The following IMMP2L variants were observed in gnomAD, a reference collection of about 807,000 sequenced individuals.
The protein encoded by IMMP2L is inner mitochondrial membrane peptidase subunit 2, also known as mitochondrial inner membrane protease subunit 2.
IMMP2L carries 18 observed loss-of-function variants against 19.3 expected under a neutral mutation model. The ratio of observed to expected loss-of-function variants is 0.93; its 90% CI spans 0.64 to 1.38. The LOEUF is 1.38. Among genes scored for constraint, IMMP2L ranks in the 40% most tolerant of loss-of-function variants. The pLI is 0.00. For missense variants in IMMP2L, 233 were observed against 218.2 expected, an observed-to-expected ratio of 1.07 and a Z score of -0.43; for synonymous variants, 76 against 73.0, an observed-to-expected ratio of 1.04 and a Z score of -0.21.
At chr7:111,147,547 A>G (rs1198490908) in intron 3 of IMMP2L, among the ~76,000 whole-genome samples, 1 of 152,092 alleles carries the variant, frequency 6.6e-6, no homozygotes, top group Non-Finnish European at 1.5e-5. Flanking sequence ...CCAGTAGGTC[A>G]CTTTAGTGCA....
chr7:111,220,878 C>A (rs559738188), intron 3 of IMMP2L, among the ~76,000 whole-genome samples: 1 of 151,906 alleles, frequency 6.6e-6, no homozygotes, highest in African/African-American at 2.4e-5. Flanking sequence ...TACAGTTCAA[C>A]GGTTAGGCAG....
chr7:110,740,327 C>T (rs375322655), intron 5 of IMMP2L, among the ~76,000 whole-genome samples: 4 of 152,064 alleles, frequency 2.6e-5, no homozygotes, highest in East Asian at 1.9e-4. Context: ...AGACCATTAG[C>T]GAGATTAACC....
At chr7:110,841,863 G>A (rs1182871108) in intron 5 of IMMP2L, among the ~76,000 whole-genome samples, 1 of 152,024 alleles carries the variant, frequency 6.6e-6, no homozygotes, top group Non-Finnish European at 1.5e-5. Flanking sequence ...ATTTCACCCT[G>A]TCCCAATGGC....
intron 3 of IMMP2L, among the ~76,000 whole-genome samples, chr7:111,243,276 T>A (rs577787312): frequency 3.9e-4 from 59 of 152,070 alleles, no homozygotes; most frequent in Non-Finnish European, 5.6e-4. Context: ...GAGTTCTCAA[T>A]AAATACTAAT....
intron 5 of IMMP2L, among the ~76,000 whole-genome samples, chr7:110,721,755 A>G (rs1345724749): frequency 6.6e-6 from 1 of 152,146 alleles, no homozygotes; most frequent in East Asian, 1.9e-4. Context: ...GTATTAACAG[A>G]ATGGTGATCA....
intron 2 of IMMP2L, among the ~76,000 whole-genome samples, chr7:111,506,099 C>T (rs1247750399): frequency 1.3e-5 from 2 of 151,726 alleles, no homozygotes; most frequent in African/African-American, 4.8e-5. Context: ...AGACTGCCTC[C>T]ACACACAAAA....
At chr7:111,362,366 T>C (rs574718904) in intron 3 of IMMP2L, among the ~76,000 whole-genome samples, 2 of 152,218 alleles carry the variant, frequency 1.3e-5, no homozygotes, top group South Asian at 2.1e-4. Flanking sequence ...AAGAAATATA[T>C]GGAAATGTAT....
At chr7:111,377,407 A>C (rs981635809) in intron 3 of IMMP2L, among the ~76,000 whole-genome samples, 1 of 151,920 alleles carries the variant, frequency 6.6e-6, no homozygotes, top group African/African-American at 2.4e-5. Context: ...GCATCCCTCT[A>C]TAGTACAGCT....
intron 5 of IMMP2L, among the ~76,000 whole-genome samples, chr7:110,864,001 T>G (rs1807722731): frequency 6.6e-6 from 1 of 151,874 alleles, no homozygotes; most frequent in African/African-American, 2.4e-5. Flanking sequence ...AGCAAAGGAG[T>G]GTATAATAGA....
intron 2 of IMMP2L, among the ~76,000 whole-genome samples, chr7:111,505,620 C>G (rs1004655597): frequency 6.6e-6 from 1 of 152,090 alleles, no homozygotes; most frequent in Non-Finnish European, 1.5e-5. Context: ...CACATATACA[C>G]CATGGAATAC....
At chr7:111,493,576 G>T (rs1843300548) in intron 2 of IMMP2L, among the ~76,000 whole-genome samples, 2 of 151,800 alleles carry the variant, frequency 1.3e-5, no homozygotes, top group Admixed American at 1.3e-4. Context: ...GTGGGGGCGG[G>T]CGCCTGTAGT....
At chr7:110,917,953 G>C (rs1218892275) in intron 4 of IMMP2L, among the ~76,000 whole-genome samples, 4 of 152,086 alleles carry the variant, frequency 2.6e-5, no homozygotes, top group Non-Finnish European at 5.9e-5. Flanking sequence ...GGTACTACTA[G>C]AGTGCTGCTC....
At chr7:111,062,766 T>C (rs1794139818) in intron 3 of IMMP2L, among the ~76,000 whole-genome samples, 1 of 152,160 alleles carries the variant, frequency 6.6e-6, no homozygotes, top group South Asian at 2.1e-4. Context: ...AGCAGTCACA[T>C]CTTAGAGCTC....
At chr7:111,122,654 T>C (rs939311613) in intron 3 of IMMP2L, 11 of 786,606 alleles carry the variant, frequency 1.4e-5, no homozygotes, top group Admixed American at 5.3e-5. Flanking sequence ...TGTGGTTCTA[T>C]GGCATTCATC....
At chr7:111,224,410 C>T (rs1812859017) in intron 3 of IMMP2L, among the ~76,000 whole-genome samples, 1 of 152,058 alleles carries the variant, frequency 6.6e-6, no homozygotes, top group Non-Finnish European at 1.5e-5. Flanking sequence ...AAAATATAAA[C>T]ACCTGCTAAT....
intron 3 of IMMP2L, among the ~76,000 whole-genome samples, chr7:111,081,435 G>C (rs2129576475): frequency 6.6e-6 from 1 of 152,252 alleles, no homozygotes; most frequent in South Asian, 2.1e-4. Flanking sequence ...CCTGTTTCTA[G>C]ATTTTAGACA....
intron 3 of IMMP2L, among the ~76,000 whole-genome samples, chr7:111,358,538 A>G (rs769013629): frequency 1.3e-5 from 2 of 152,056 alleles, no homozygotes; most frequent in Non-Finnish European, 2.9e-5. Flanking sequence ...CAGAAACCCC[A>G]AAGTATCCAC....
At chr7:111,185,281 G>A (rs191937220) in intron 3 of IMMP2L, among the ~76,000 whole-genome samples, 1 of 152,130 alleles carries the variant, frequency 6.6e-6, no homozygotes, top group African/African-American at 2.4e-5. Flanking sequence ...AGCTCTACGT[G>A]GTAGCTGCAA....
chr7:111,233,997 G>T (rs1814008353), intron 3 of IMMP2L, among the ~76,000 whole-genome samples: 1 of 152,000 alleles, frequency 6.6e-6, no homozygotes, highest in African/African-American at 2.4e-5. Context: ...TATACAAAAA[G>T]ACAACCCATT....
Sources: gnomAD v4.1 joint callset for allele counts (sites outside exome capture counted in the v4.1 genomes callset) on GRCh38, gnomAD v4.1.1 for gene constraint, MANE v1.5 for transcripts, NCBI Gene and HGNC (gene_info 2026-07-23, HGNC 2026-07-21) for gene names.